The following EIPR1 variants were observed in gnomAD, a reference collection of about 807,000 sequenced individuals.
EIPR1 encodes EARP and GARP complex-interacting protein 1.
In EIPR1, 25 loss-of-function variants were observed where a neutral mutation model predicts 48.1. The ratio of observed to expected loss-of-function variants is 0.52; its 90% CI spans 0.38 to 0.73. EIPR1 has a LOEUF of 0.73. Ranked by LOEUF, EIPR1 falls within the 30% of genes least tolerant of loss-of-function variation. The pLI, the probability that EIPR1 is intolerant of heterozygous loss-of-function variation, is 0.00. For synonymous variants in EIPR1, 204 were observed against 201.9 expected, an observed-to-expected ratio of 1.01 and a Z score of -0.09; for missense variants, 415 against 506.2, an observed-to-expected ratio of 0.82 and a Z score of 1.73.
At chr2:3,303,013 A>C (rs143241056) in intron 3 of EIPR1, among the ~76,000 whole-genome samples, 2,826 of 152,246 alleles carry the variant, frequency 0.019, 33 homozygotes, top group Non-Finnish European at 0.03. Flanking sequence ...AGAGTTGTGG[A>C]GATTAAATAT....
intron 1 of EIPR1, among the ~76,000 whole-genome samples, chr2:3,360,103 T>C (rs1670817080): frequency 6.6e-6 from 1 of 152,154 alleles, no homozygotes; most frequent in Non-Finnish European, 1.5e-5. Flanking sequence ...CCAGTTCTTA[T>C]AAAGAAAGGC....
intron 4 of EIPR1, among the ~76,000 whole-genome samples, chr2:3,247,858 C>T (rs1666880256): frequency 6.6e-6 from 1 of 152,070 alleles, no homozygotes; most frequent in Non-Finnish European, 1.5e-5. Context: ...ATAAGGGTGA[C>T]GTTGGTATTC....
chr2:3,299,554 C>T (rs915322942), intron 3 of EIPR1, among the ~76,000 whole-genome samples: 1 of 151,746 alleles, frequency 6.6e-6, no homozygotes, highest in African/African-American at 2.4e-5. Flanking sequence ...ACACTATAGC[C>T]TGCTGAAATT....
chr2:3,270,405 C>T (rs1667670577), intron 3 of EIPR1, among the ~76,000 whole-genome samples: 1 of 152,252 alleles, frequency 6.6e-6, no homozygotes, highest in Non-Finnish European at 1.5e-5. Context: ...CCTTTTGCGT[C>T]TCCATGCGGC....
At chr2:3,356,454 T>C (rs1320284724) in intron 1 of EIPR1, among the ~76,000 whole-genome samples, 3 of 152,196 alleles carry the variant, frequency 2.0e-5, no homozygotes, top group Admixed American at 2.0e-4. Context: ...GAGGAAAAAG[T>C]TGTACAACTG....
chr2:3,327,404 G>C (rs374496756), intron 3 of EIPR1, among the ~76,000 whole-genome samples: 1 of 152,128 alleles, frequency 6.6e-6, no homozygotes, highest in African/African-American at 2.4e-5. Context: ...GGCTTGTCTC[G>C]AGCTCCTGAC....
chr2:3,335,513 G>A (rs1013822119), intron 3 of EIPR1, among the ~76,000 whole-genome samples: 2 of 152,092 alleles, frequency 1.3e-5, no homozygotes, highest in African/African-American at 2.4e-5. Flanking sequence ...GAGGGCAAAC[G>A]GGGAAGAGTT....
chr2:3,193,978 A>T, intron 7 of EIPR1, 21 bp downstream of exon 7: 1 of 1,612,288 alleles, frequency 6.2e-7, no homozygotes. Flanking sequence ...TCCTCCCTGA[A>T]GCAGCCAGGA....
intron 3 of EIPR1, among the ~76,000 whole-genome samples, chr2:3,326,756 T>G (rs1471269035): frequency 6.6e-6 from 1 of 152,228 alleles, no homozygotes; most frequent in Non-Finnish European, 1.5e-5. Context: ...TTCCTCCTAC[T>G]GATTTATTCA....
chr2:3,270,006 G>A (rs1245429558), intron 3 of EIPR1, among the ~76,000 whole-genome samples: 2 of 152,210 alleles, frequency 1.3e-5, no homozygotes, highest in African/African-American at 4.8e-5. Context: ...AAATGTCTCT[G>A]ACAACAACTG....
chr2:3,327,756 A>G (rs1011113670), intron 3 of EIPR1, among the ~76,000 whole-genome samples: 9 of 152,170 alleles, frequency 5.9e-5, no homozygotes, highest in Non-Finnish European at 7.3e-5. Context: ...CCTCAGACCT[A>G]CAGTTCCCAG....
At chr2:3,375,389 A>T (rs562808856) in intron 1 of EIPR1, among the ~76,000 whole-genome samples, 314 of 95,714 alleles carry the variant, frequency 3.3e-3, no homozygotes, top group African/African-American at 7.3e-3. Flanking sequence ...ATAATAATTT[A>T]AAAAAAAAAG....
At chr2:3,238,353 C>A (rs1329205366) in intron 4 of EIPR1, among the ~76,000 whole-genome samples, 1 of 152,208 alleles carries the variant, frequency 6.6e-6, no homozygotes, top group Non-Finnish European at 1.5e-5. Flanking sequence ...TCTCCCTCCA[C>A]GGGCTGGTGA....
chr2:3,319,931 C>G, intron 3 of EIPR1: 1 of 174,022 alleles, frequency 5.7e-6, no homozygotes, highest in South Asian at 1.0e-4. Flanking sequence ...CAGGGCAATA[C>G]TGCACCTGCG....
At chr2:3,194,221 ACTGCGTG>A in intron 6 of EIPR1, 55 bp from the exon 7 acceptor site, 4 of 1,597,486 alleles carry the variant, frequency 2.5e-6, no homozygotes, top group Non-Finnish European at 3.4e-6. Context: ...AGGAAAAGCC[ACTGCGTG>A]CTGCGGGCAC....
chr2:3,355,785 G>T (rs1010112375), intron 1 of EIPR1, among the ~76,000 whole-genome samples: 10 of 145,226 alleles, frequency 6.9e-5, no homozygotes, highest in African/African-American at 2.5e-4. Context: ...CTGCACTCTA[G>T]CCTGGGTGAC....
chr2:3,210,231 G>C lies in EIPR1; in HGVS notation c.516+3918C>G, dbSNP rs116138933. Among the ~76,000 whole-genome samples the C allele has an allele frequency of 7.3e-3, 1,105 of 152,124 alleles. 15 individuals carry two copies. Among genetic ancestry groups the C allele is most frequent in the African/African-American group, 0.026 (1,070 of 41,482 alleles). On this transcript the variant is annotated intron_variant, in intron 5 of 8. Transcript: ENST00000382125. ...TCTGAAAAAGACCCTACTAAAAAGAGGAAAAGAAAAGTGACAGAATAGGAA... is the reference window on the plus strand; with the variant it reads ...TCTGAAAAAGACCCTACTAAAAAGACGAAAAGAAAAGTGACAGAATAGGAA...
intron 3 of EIPR1, among the ~76,000 whole-genome samples, chr2:3,331,303 TG>T (rs1457162041): frequency 8.6e-5 from 7 of 81,638 alleles, no homozygotes; most frequent in Admixed American, 7.6e-4. Context: ...ACTCATGAGA[TG>T]GTTTCAGCAG....
intron 3 of EIPR1, among the ~76,000 whole-genome samples, chr2:3,314,807 C>T (rs932035612): frequency 1.3e-5 from 2 of 151,918 alleles, no homozygotes; most frequent in African/African-American, 4.8e-5. Flanking sequence ...CCGCACTGGA[C>T]CAACAAGCTG....
Sources: allele counts gnomAD v4.1 joint callset (sites outside exome capture counted in the v4.1 genomes callset), GRCh38; gene constraint gnomAD v4.1.1; transcripts MANE v1.5; gene names NCBI Gene and HGNC (gene_info 2026-07-23, HGNC 2026-07-21).